Variants in SAG observed in about 807,000 individuals in gnomAD.
SAG encodes S-antigen visual arrestin.
A neutral mutation model predicts 55.0 loss-of-function variants in SAG; 45 were observed. The ratio of observed to expected loss-of-function variants is 0.82; its 90% CI spans 0.64 to 1.05. The LOEUF is 1.05. Among genes scored for constraint, SAG ranks in the 50% least tolerant of loss-of-function variants. The pLI, the probability that SAG is intolerant of heterozygous loss-of-function variation, is 0.00. For missense variants in SAG, 455 were observed against 512.1 expected, an observed-to-expected ratio of 0.89 and a Z score of 1.08; for synonymous variants, 189 against 197.4, an observed-to-expected ratio of 0.96 and a Z score of 0.36.
At position 233,329,530 on chromosome 2, in the gene SAG, C is replaced by A; in HGVS notation, c.686C>A (p.Thr229Asn). Residue 229 changes from threonine (T) to asparagine (N), a missense_variant, in exon 9 of 16, where the codon ACT (threonine) becomes AAT (asparagine). Transcript: ENST00000409110. ...FHGEPIPVTV[T>N]VTNNTEKTVK... ...GGGGAGCCCATCCCTGTGACCGTGA[C>A]TGTCACCAATAACACAGAGAAGACC... 6.2e-7 allele frequency: 1 copy of A among 1,613,602 alleles called. No individual in the cohort carries two copies. Among genetic ancestry groups the A allele is most frequent in the South Asian group, 1.1e-5 (1 of 91,064 alleles).
chr2:233,342,172 TG>T, intron 13 of SAG, 98 bp from the exon 14 acceptor site: 1 of 834,700 alleles, frequency 1.2e-6, no homozygotes, highest in Non-Finnish European at 2.0e-6. Context: ...AGCTTGGGCC[TG>T]GGGATCTTTT....
Position 233,316,065 on chromosome 2 carries a change from C to T in SAG, c.76-10C>T, listed in dbSNP as rs1408590404. 6.4e-7 allele frequency: 1 copy of T among 1,562,406 alleles called. No individual in the cohort carries two copies. The highest frequency in any genetic ancestry group is 1.2e-5 in the South Asian group (1 of 86,574). ...TTTGGCCCTTAGACCCACACCTGTT[C>T]TTCTTGCAGGTGACCATCTACCTGG... On this transcript the variant is annotated splice_polypyrimidine_tract_variant and intron_variant, in intron 2 of 15. Coordinates refer to ENST00000409110, the MANE Select transcript of SAG (RefSeq NM_000541.5).
At chr2:233,313,095 C>T (rs1216320057) in intron 2 of SAG, among the ~76,000 whole-genome samples, 1 of 152,204 alleles carries the variant, frequency 6.6e-6, no homozygotes, top group Admixed American at 6.5e-5. Context: ...CCTGCAAGAG[C>T]ACCCAGAACA....
chr2:233,318,128 C>A (rs149253134), intron 3 of SAG, among the ~76,000 whole-genome samples: 1 of 151,990 alleles, frequency 6.6e-6, no homozygotes, highest in African/African-American at 2.4e-5. Context: ...CATGCACCAC[C>A]GCACCTGGCC....
intron 3 of SAG, among the ~76,000 whole-genome samples, chr2:233,317,113 T>C (rs889420383): frequency 1.3e-5 from 2 of 152,000 alleles, no homozygotes; most frequent in Non-Finnish European, 2.9e-5. Context: ...CTGCCTGCCT[T>C]AGCCTCCCAA....
intron 14 of SAG, chr2:233,343,787 G>GGTAT (rs1161828973): frequency 7.8e-6 from 8 of 1,020,646 alleles, no homozygotes; most frequent in African/African-American, 1.7e-5. Flanking sequence ...AAGTAAAAGT[G>GGTAT]GTATAAACAA....
In SAG at chr2:233,338,773, C is replaced by T; in HGVS notation, c.1022+20C>T. 1 of 1,603,660 alleles carries T rather than the reference C, an allele frequency of 6.2e-7. No homozygotes were observed. The stretch of plus-strand genomic sequence containing the variant: ...GTCAGGGTAAGTGTCCCGGCACCAA[C>T]CCTCGGGCTGCTCTGTCCTGGTCTT... On this transcript the variant is annotated intron_variant, in intron 12 of 15. Coordinates refer to ENST00000409110, the MANE Select transcript of SAG (RefSeq NM_000541.5).
chr2:233,320,171 C>G (rs1001831017), intron 4 of SAG: 1 of 185,998 alleles, frequency 5.4e-6, no homozygotes, highest in African/African-American at 2.4e-5. Flanking sequence ...AGGCTCCTCA[C>G]TCAGCCCACG....
intron 14 of SAG, chr2:233,344,847 G>A (rs1574958947): frequency 6.6e-6 from 1 of 152,332 alleles, no homozygotes; most frequent in Admixed American, 6.5e-5. Flanking sequence ...ATGCTACCAA[G>A]TTTTTATTGT....
In SAG at chr2:233,319,826, G is replaced by C. The variant is rs1700325868; in HGVS notation, c.182-804G>C. 4 of 985,640 alleles carry C rather than the reference G, an allele frequency of 4.1e-6. No homozygotes were observed. The highest frequency in any genetic ancestry group is 4.8e-6 in the Non-Finnish European group (4 of 829,962). 61.1% of individuals were successfully genotyped at this position (985,640 alleles called of 1,614,324 possible). On this transcript the variant is annotated intron_variant, in intron 4 of 15. Transcript: ENST00000409110. This position sits in a 1 kb window ranked among gnomAD's most constrained non-coding sequence, Gnocchi z 4.4. ...AGCTTGAATGAGGGGCGAGTGAGTG[G>C]CCACTGTTTCTTCTGAGTCAGCAGC...
At position 233,340,026 on chromosome 2, in the gene SAG, A is replaced by C. The variant is rs1701052090; in HGVS notation, c.1023-429A>C. 6.7e-6 allele frequency among the ~76,000 whole-genome samples: 1 copy of C among 148,640 alleles called. No homozygotes were observed. Among genetic ancestry groups the C allele is most frequent in the Non-Finnish European group, 1.5e-5 (1 of 67,328 alleles). ...GGCTGGAGTACAGTGGCATGATCTC[A>C]GCTCACTGCAACCTCCACCTCCCAG... On this transcript the variant is annotated intron_variant, in intron 12 of 15. Coordinates refer to ENST00000409110, the MANE Select transcript of SAG (RefSeq NM_000541.5). This position sits in a 1 kb window ranked among gnomAD's most constrained non-coding sequence, Gnocchi z 4.2.
At chr2:233,331,552 G>C (rs1301558382) in intron 9 of SAG, 88 bp from the exon 10 acceptor site, 2 of 814,078 alleles carry the variant, frequency 2.5e-6, no homozygotes, top group African/African-American at 1.7e-5. Context: ...AGAGAGGAGA[G>C]ACCAGCGTGT....
intron 5 of SAG, among the ~76,000 whole-genome samples, chr2:233,321,365 T>A (rs1193277183): frequency 6.6e-6 from 1 of 152,182 alleles, no homozygotes; most frequent in Non-Finnish European, 1.5e-5. Context: ...ACCATCTGCT[T>A]TACGAGCATG....
rs1187347399 is a variant in SAG at position 233,320,651 on chromosome 2, C to A, written c.203C>A (p.Ala68Asp). ...GKKVYVTLTC[A>D]FRYGQEDIDV... The stretch of plus-strand genomic sequence containing the variant: ...GCAGTGTATGTCACTCTGACCTGCG[C>A]CTTCCGCTATGGCCAAGAGGACATT... Residue 68 changes from alanine to aspartate, a missense_variant, in exon 5 of 16, where the codon GCC (alanine) becomes GAC (aspartate). Coordinates refer to ENST00000409110, the MANE Select transcript of SAG (RefSeq NM_000541.5). The A allele has an allele frequency of 9.4e-6, 15 of 1,602,380 alleles. No individual in the cohort carries two copies. The highest frequency in any genetic ancestry group is 1.3e-5 in the Non-Finnish European group (15 of 1,174,746).
chr2:233,320,124 G>T (rs766336757), intron 4 of SAG: 5 of 402,230 alleles, frequency 1.2e-5, no homozygotes, highest in Non-Finnish European at 1.7e-5. Context: ...GCCTTCTCAA[G>T]TTGGATTTCA....
chr2:233,342,431 G>A, intron 14 of SAG, 105 bp downstream of exon 14: 2 of 922,544 alleles, frequency 2.2e-6, no homozygotes, highest in East Asian at 5.3e-5. Flanking sequence ...CATGGGAGTG[G>A]CCAGGTGTAA....
At position 233,319,066 on chromosome 2, in the gene SAG, C is replaced by T; in HGVS notation, c.181+271C>T. The T allele has an allele frequency of 1.5e-6, 1 of 646,230 alleles. No homozygotes were observed. Among genetic ancestry groups the T allele is most frequent in the Non-Finnish European group, 3.0e-6 (1 of 338,478 alleles). 40.0% of individuals were successfully genotyped at this position (646,230 alleles called of 1,614,324 possible). ...GGTAGACGGAGCCCAGGTCTGTGGC[C>T]CCCATTCCTGTTTGCTCGCCCCTGT... On this transcript the variant is annotated intron_variant, in intron 4 of 15. Transcript: ENST00000409110. The surrounding 1 kb of genome is among the most constrained non-coding windows in gnomAD (Gnocchi z 4.4).
intron 7 of SAG, chr2:233,328,217 A>G: frequency 5.0e-6 from 2 of 396,200 alleles, no homozygotes; most frequent in Non-Finnish European, 9.1e-6. Flanking sequence ...ACGGAGCCTA[A>G]GGGGCTAAGC....
At chr2:233,310,552 G>C in intron 2 of SAG, among the ~76,000 whole-genome samples, 1 of 130,076 alleles carries the variant, frequency 7.7e-6, no homozygotes. Flanking sequence ...CTCTGTCACC[G>C]AGGCTGGAGT....
Sources: allele counts gnomAD v4.1 joint callset (sites outside exome capture counted in the v4.1 genomes callset), GRCh38; gene constraint gnomAD v4.1.1; non-coding constraint Gnocchi (gnomAD v3.1); transcripts MANE v1.5; gene names NCBI Gene and HGNC (gene_info 2026-07-23, HGNC 2026-07-21).